Variants in GAP43 observed in about 807,000 individuals in gnomAD.
The protein encoded by GAP43 is neuromodulin.
A neutral mutation model predicts 18.6 loss-of-function variants in GAP43; 6 were observed. The observed-to-expected ratio is 0.32, with a 90% CI of 0.18 to 0.64. The LOEUF (loss-of-function observed/expected upper bound fraction) is 0.64. Ranked by LOEUF, GAP43 falls within the 30% of genes least tolerant of loss-of-function variation. GAP43 has a pLI of 0.78. For missense variants in GAP43, 292 were observed against 295.5 expected, an observed-to-expected ratio of 0.99 and a Z score of 0.09; for synonymous variants, 115 against 111.4, an observed-to-expected ratio of 1.03 and a Z score of -0.20.
In GAP43 at chr3:115,663,166, T is replaced by A. The variant is rs370502458; in HGVS notation, c.31-12847T>A. On this transcript the variant is annotated intron_variant, in intron 1 of 2. Transcript: ENST00000305124. ...TGATACTTTCTGAGTATCATTCGAT[T>A]CAGAGCAATTTGTACGGCATGCGTG... Among the ~76,000 whole-genome samples the A allele has an allele frequency of 2.0e-5, 3 of 152,210 alleles. No individual in the cohort carries two copies. In the East Asian group the frequency reaches 5.8e-4, roughly 29 times the overall value.
chr3:115,691,837 A>C (rs868022756), intron 2 of GAP43, among the ~76,000 whole-genome samples: 1 of 152,178 alleles, frequency 6.6e-6, no homozygotes, highest in African/African-American at 2.4e-5. Context: ...GCTTCATGTA[A>C]TTTGTCCCTC....
intron 1 of GAP43, among the ~76,000 whole-genome samples, chr3:115,646,482 T>A (rs1371540904): frequency 6.6e-6 from 1 of 152,100 alleles, no homozygotes; most frequent in Admixed American, 6.6e-5. Context: ...CTTGTTGATA[T>A]GGCAAGGATT....
chr3:115,681,134 G>T (rs951312500), intron 2 of GAP43, among the ~76,000 whole-genome samples: 1 of 152,182 alleles, frequency 6.6e-6, no homozygotes, highest in African/African-American at 2.4e-5. Flanking sequence ...CTTAAATACT[G>T]TTGATTATTA....
intron 2 of GAP43, among the ~76,000 whole-genome samples, chr3:115,702,261 TA>T (rs1424520284): frequency 6.6e-6 from 1 of 152,094 alleles, no homozygotes; most frequent in Non-Finnish European, 1.5e-5. Flanking sequence ...CAGTGATCTT[TA>T]AGGATTAATG....
intron 2 of GAP43, among the ~76,000 whole-genome samples, chr3:115,679,475 C>G (rs1353372967): frequency 6.6e-6 from 1 of 152,204 alleles, no homozygotes; most frequent in Non-Finnish European, 1.5e-5. Flanking sequence ...GCCTGCCCAG[C>G]TTTTTACGTG....
At chr3:115,625,387 C>T (rs1036722869) in intron 1 of GAP43, among the ~76,000 whole-genome samples, 1 of 152,014 alleles carries the variant, frequency 6.6e-6, no homozygotes, top group African/African-American at 2.4e-5. Context: ...GGCATTTTCT[C>T]TCTGTGTCCT....
chr3:115,693,662 A>G (rs1228165552), intron 2 of GAP43, among the ~76,000 whole-genome samples: 1 of 152,082 alleles, frequency 6.6e-6, no homozygotes, highest in Non-Finnish European at 1.5e-5. Context: ...CTAGAGGTGA[A>G]AAAACATTCA....
intron 1 of GAP43, among the ~76,000 whole-genome samples, chr3:115,672,985 T>C (rs1439204745): frequency 1.3e-5 from 2 of 152,166 alleles, no homozygotes; most frequent in Non-Finnish European, 2.9e-5. Context: ...CTGGCTCTTA[T>C]AAGACTGTCT....
chr3:115,699,064 T>G (rs773642741), intron 2 of GAP43, among the ~76,000 whole-genome samples: 8 of 152,172 alleles, frequency 5.3e-5, no homozygotes, highest in Non-Finnish European at 1.2e-4. Flanking sequence ...TGATCTTATG[T>G]GGACAATTGT....
chr3:115,671,388 C>T (rs1708813258), intron 1 of GAP43, among the ~76,000 whole-genome samples: 1 of 152,140 alleles, frequency 6.6e-6, no homozygotes, highest in African/African-American at 2.4e-5. Context: ...TCATTAGTGT[C>T]AACAAGTTAG....
intron 2 of GAP43, among the ~76,000 whole-genome samples, chr3:115,684,444 T>C (rs1709009164): frequency 6.6e-6 from 1 of 152,212 alleles, no homozygotes; most frequent in Non-Finnish European, 1.5e-5. Context: ...TTAAGCACTG[T>C]ATCCATGCCT....
chr3:115,624,648 C>T (rs1343933585), intron 1 of GAP43, among the ~76,000 whole-genome samples: 3 of 152,128 alleles, frequency 2.0e-5, no homozygotes, highest in African/African-American at 7.2e-5. Flanking sequence ...TTCCCTCCCC[C>T]ACTGCCCAGG....
intron 1 of GAP43, among the ~76,000 whole-genome samples, chr3:115,626,341 C>T (rs959527790): frequency 1.3e-5 from 2 of 152,152 alleles, no homozygotes; most frequent in Non-Finnish European, 2.9e-5. Context: ...CCTTCCTCTT[C>T]CACTTGAGCG....
At chr3:115,645,128 G>GGCATC (rs772355792) in intron 1 of GAP43, among the ~76,000 whole-genome samples, 36 of 151,928 alleles carry the variant, frequency 2.4e-4, no homozygotes, top group Admixed American at 1.2e-3. Context: ...TTATCTATGA[G>GGCATC]TTATTCATTT....
chr3:115,716,194 A>C (rs1709500392), intron 2 of GAP43, among the ~76,000 whole-genome samples: 1 of 152,238 alleles, frequency 6.6e-6, no homozygotes, highest in Non-Finnish European at 1.5e-5. Flanking sequence ...TAAACTAAAC[A>C]GTCGACATTA....
chr3:115,687,054 G>A (rs1031235945), intron 2 of GAP43, among the ~76,000 whole-genome samples: 1 of 151,336 alleles, frequency 6.6e-6, no homozygotes, highest in Non-Finnish European at 1.5e-5. Flanking sequence ...AAGCAGAGAA[G>A]CTTTGGTTGA....
chr3:115,670,539 G>T lies in GAP43; in HGVS notation c.31-5474G>T, dbSNP rs568440902. 4.7e-4 allele frequency among the ~76,000 whole-genome samples: 71 copies of T among 152,116 alleles called. No homozygotes were observed. The South Asian group carries it at 6.9e-3, about 15-fold the overall frequency. On this transcript the variant is annotated intron_variant, in intron 1 of 2. Transcript: ENST00000305124. ...CTAAGGGGTATTTTACTGTATTTTTGATCTTTGTCTAGGTTTAAAGAAAGT... is the reference window on the plus strand; with the variant it reads ...CTAAGGGGTATTTTACTGTATTTTTTATCTTTGTCTAGGTTTAAAGAAAGT...
chr3:115,671,275 T>C (rs529532197), intron 1 of GAP43, among the ~76,000 whole-genome samples: 31 of 152,328 alleles, frequency 2.0e-4, no homozygotes, highest in African/African-American at 7.5e-4. Flanking sequence ...AGAGCAACAA[T>C]GTTGGATACT....
intron 1 of GAP43, among the ~76,000 whole-genome samples, chr3:115,647,453 A>G (rs1282923066): frequency 6.6e-6 from 1 of 152,108 alleles, no homozygotes; most frequent in Non-Finnish European, 1.5e-5. Flanking sequence ...AAAAATAACA[A>G]AACAAGGCAG....
Sources: allele counts gnomAD v4.1 joint callset (sites outside exome capture counted in the v4.1 genomes callset), GRCh38; gene constraint gnomAD v4.1.1; transcripts MANE v1.5; gene names NCBI Gene and HGNC (gene_info 2026-07-23, HGNC 2026-07-21).